The following ADGRV1 variants were observed in gnomAD, a reference collection of about 807,000 sequenced individuals.
ADGRV1 encodes the protein G-protein coupled receptor 98.
ADGRV1 carries 359 observed loss-of-function variants against 596.2 expected under a neutral mutation model. The observed-to-expected ratio is 0.60, with a 90% CI of 0.55 to 0.66. The LOEUF is 0.66. ADGRV1 is among the 30% of genes least tolerant of loss of function. The pLI, the probability that ADGRV1 is intolerant of heterozygous loss-of-function variation, is 0.00. For missense variants in ADGRV1, 7,274 were observed against 7,575.6 expected, an observed-to-expected ratio of 0.96 and a Z score of 1.48; for synonymous variants, 2,681 against 2,679.2, an observed-to-expected ratio of 1.00 and a Z score of -0.02.
At chr5:90,964,289 A>T (rs1476318071) in intron 83 of ADGRV1, among the ~76,000 whole-genome samples, 3 of 152,208 alleles carry the variant, frequency 2.0e-5, no homozygotes, top group African/African-American at 7.2e-5. Flanking sequence ...GTTTTAAGGC[A>T]TAAGTCAACT....
chr5:90,928,919 G>A (rs1390235736), intron 83 of ADGRV1, among the ~76,000 whole-genome samples: 1,721 of 145,042 alleles, frequency 0.012, 41 homozygotes, highest in African/African-American at 0.039. Context: ...CCCCTGCTGG[G>A]GGGTGCCTCC....
intron 77 of ADGRV1, among the ~76,000 whole-genome samples, chr5:90,836,479 A>G (rs900947629): frequency 6.6e-6 from 1 of 152,108 alleles, no homozygotes; most frequent in Non-Finnish European, 1.5e-5. Context: ...ATACCAAAAG[A>G]TTATGTACTG....
chr5:91,112,723 A>G (rs1792483662), intron 87 of ADGRV1, among the ~76,000 whole-genome samples: 1 of 152,116 alleles, frequency 6.6e-6, no homozygotes, highest in Non-Finnish European at 1.5e-5. Flanking sequence ...TTTTACACCA[A>G]CATTTTGTAA....
chr5:90,990,992 G>A (rs1238629605), intron 85 of ADGRV1, among the ~76,000 whole-genome samples: 2 of 152,088 alleles, frequency 1.3e-5, no homozygotes, highest in African/African-American at 4.8e-5. Context: ...AAGACCCAGG[G>A]TGGAAGTAAA....
intron 83 of ADGRV1, among the ~76,000 whole-genome samples, chr5:90,869,060 A>C (rs1317411437): frequency 6.6e-6 from 1 of 152,186 alleles, no homozygotes; most frequent in African/African-American, 2.4e-5. Flanking sequence ...GCGTGTAAAT[A>C]ATAACCTAAA....
chr5:90,727,939 T>C lies in ADGRV1; in HGVS notation c.10162-730T>C, dbSNP rs147362191. The stretch of plus-strand genomic sequence containing the variant: ...ATAATTCTCTATCAGACCATCCTAA[T>C]TGTCATCTTCAGTACTTGACTCATT... On this transcript the variant is annotated intron_variant, in intron 48 of 89. Transcript: ENST00000405460. Among the ~76,000 whole-genome samples, 1,053 of 152,334 alleles carry C rather than the reference T, an allele frequency of 6.9e-3. 7 individuals are homozygous for C. Among genetic ancestry groups the C allele is most frequent in the African/African-American group, 0.023 (974 of 41,582 alleles).
At chr5:90,696,777 T>TAC (rs1244330517) in intron 33 of ADGRV1, among the ~76,000 whole-genome samples, 160 bp from the exon 34 acceptor site, 2 of 151,244 alleles carry the variant, frequency 1.3e-5, no homozygotes, top group Non-Finnish European at 3.0e-5. Flanking sequence ...TATATATATA[T>TAC]ATAATTAAAA....
intron 68 of ADGRV1, 69 bp from the exon 69 acceptor site, chr5:90,789,631 AAT>A: frequency 1.2e-6 from 1 of 859,152 alleles, no homozygotes; most frequent in Non-Finnish European, 1.8e-6. Flanking sequence ...TCTGTTTGTT[AAT>A]ATGTTGGATA....
chr5:90,930,818 C>T (rs1775176506), intron 83 of ADGRV1, among the ~76,000 whole-genome samples: 3 of 152,100 alleles, frequency 2.0e-5, no homozygotes, highest in Admixed American at 2.0e-4. Flanking sequence ...AAATATCTCT[C>T]ACAATATGAG....
chr5:90,773,533 A>T (rs1757912739), intron 59 of ADGRV1, among the ~76,000 whole-genome samples: 3 of 152,232 alleles, frequency 2.0e-5, no homozygotes, highest in Non-Finnish European at 2.9e-5. Flanking sequence ...GAATAGATTC[A>T]GCAAGAAACA....
At chr5:90,609,510 C>G (rs1580439599) in intron 1 of ADGRV1, among the ~76,000 whole-genome samples, 1 of 143,918 alleles carries the variant, frequency 6.9e-6, no homozygotes, top group Non-Finnish European at 1.6e-5. Context: ...TGGGAGAGGG[C>G]AAAGATCATT....
intron 36 of ADGRV1, 82 bp downstream of exon 36, chr5:90,704,570 T>G (rs944411774): frequency 1.3e-6 from 1 of 776,730 alleles, no homozygotes; most frequent in African/African-American, 1.8e-5. Context: ...TATTTAACAA[T>G]TAGATGCATA....
intron 75 of ADGRV1, among the ~76,000 whole-genome samples, chr5:90,816,440 T>G (rs1229118335): frequency 6.6e-6 from 1 of 151,850 alleles, no homozygotes; most frequent in Non-Finnish European, 1.5e-5. Flanking sequence ...CTTTAAGTTT[T>G]AGGGTACATG....
rs1750511775 is a variant in ADGRV1, at chr5:90,718,807, CTT to C, written c.9448-1236_9448-1235del. 5.3e-5 allele frequency among the ~76,000 whole-genome samples: 8 copies of C among 151,174 alleles called. No individual in the cohort carries two copies. The South Asian group carries it at 1.5e-3, about 28-fold the overall frequency. On this transcript the variant is annotated intron_variant, in intron 43 of 89. Coordinates refer to ENST00000405460, the MANE Select transcript of ADGRV1 (RefSeq NM_032119.4). ...AATTTGTTGTTTTTTTTTACTGTGA[CTT>C]TTTTCATAAAAGACTCCTTTTTCAC...
intron 85 of ADGRV1, among the ~76,000 whole-genome samples, chr5:91,058,250 CT>C (rs1268446970): frequency 1.3e-5 from 2 of 152,128 alleles, no homozygotes; most frequent in East Asian, 3.9e-4. Flanking sequence ...TCTACTATCC[CT>C]TCTAGTGCTC....
rs1769034490 is a variant in ADGRV1 at position 90,653,957 on chromosome 5, G to A, written c.4378+5G>A. ...AAGGAGAAGCCATTACTGACGGTGA[G>A]GGTCATCATCACAACTAGGACACTG... On this transcript the variant is annotated splice_donor_5th_base_variant and intron_variant, in intron 20 of 89. Coordinates refer to ENST00000405460, the MANE Select transcript of ADGRV1 (RefSeq NM_032119.4). 6.4e-7 allele frequency: 1 copy of A among 1,553,362 alleles called. No individual in the cohort carries two copies. The highest frequency in any genetic ancestry group is 2.0e-5 in the Admixed American group (1 of 51,038).
chr5:91,007,008 C>T (rs1361138867), intron 85 of ADGRV1, among the ~76,000 whole-genome samples: 1 of 152,234 alleles, frequency 6.6e-6, no homozygotes, highest in Non-Finnish European at 1.5e-5. Flanking sequence ...AATTAAATCT[C>T]ATCTGAACTT....
At chr5:91,147,529 A>G (rs1582212089) in intron 87 of ADGRV1, among the ~76,000 whole-genome samples, 2 of 152,284 alleles carry the variant, frequency 1.3e-5, no homozygotes, top group Middle Eastern at 6.8e-3. Flanking sequence ...TGATGGTTTC[A>G]TAAGCATCTA....
intron 87 of ADGRV1, among the ~76,000 whole-genome samples, chr5:91,148,969 C>T (rs1411645893): frequency 6.6e-6 from 1 of 152,174 alleles, no homozygotes; most frequent in East Asian, 1.9e-4. Context: ...GAGTCTGTTG[C>T]CCCTCTGTTT....
Sources: allele counts gnomAD v4.1 joint callset (sites outside exome capture counted in the v4.1 genomes callset), GRCh38; gene constraint gnomAD v4.1.1; transcripts MANE v1.5; gene names NCBI Gene and HGNC (gene_info 2026-07-23, HGNC 2026-07-21).